FES: variants seen among roughly 807,000 people sequenced by gnomAD.
FES encodes the protein FES proto-oncogene, tyrosine kinase, also known as tyrosine-protein kinase Fes/Fps.
A neutral mutation model predicts 109.6 loss-of-function variants in FES; 83 were observed. The observed-to-expected ratio is 0.76, with a 90% CI of 0.63 to 0.91. The LOEUF (loss-of-function observed/expected upper bound fraction) is 0.91. Among genes scored for constraint, FES ranks in the 40% least tolerant of loss-of-function variants. The pLI, the probability that FES is intolerant of heterozygous loss-of-function variation, is 0.00. For synonymous variants in FES, 458 were observed against 442.1 expected, an observed-to-expected ratio of 1.04 and a Z score of -0.45; for missense variants, 943 against 1,070.9, an observed-to-expected ratio of 0.88 and a Z score of 1.67.
At chr15:90,887,417 A>C (rs28438927) in intron 5 of FES, 47 bp downstream of exon 5, 400,994 of 1,539,944 alleles carry the variant, frequency 0.26, 54,991 homozygotes, top group Non-Finnish European at 0.28. Flanking sequence ...GAGCAGCCCT[A>C]AGCCCAGCCA....
In FES at chr15:90,895,704, C is replaced by T. The variant is rs1299015734; in HGVS notation, c.*146C>T. ...TGCCGGCAGGATGCAGCGCCGTGTC[C>T]TCTCTGTGTCCCTGCTGCTGCCAGG... On this transcript the variant is annotated 3_prime_UTR_variant, in exon 19 of 19. Coordinates refer to ENST00000328850, the MANE Select transcript of FES (RefSeq NM_002005.4). 4.8e-6 allele frequency: 3 copies of T among 623,248 alleles called. No homozygotes were observed. Among genetic ancestry groups the T allele is most frequent in the Non-Finnish European group, 7.5e-6 (3 of 401,914 alleles). 38.6% of individuals were successfully genotyped at this position (623,248 alleles called of 1,614,324 possible). A position where few individuals can be genotyped will look rare whatever the true frequency, so the allele number is the denominator to read the frequency against.
Position 90,885,070 on chromosome 15 carries a change from A to G in FES, c.25A>G (p.Ser9Gly). 1.2e-6 allele frequency: 2 copies of G among 1,612,834 alleles called. No homozygotes were observed. The highest frequency in any genetic ancestry group is 1.7e-6 in the Non-Finnish European group (2 of 1,179,866). ...TATGGGCTTCTCTTCCGAGCTGTGC[A>G]GCCCCCAGGGCCACGGGGTCCTGCA... Reference protein sequence around the residue: MGFSSELCSPQGHGVLQQM... With the variant: MGFSSELCGPQGHGVLQQM... The change falls in exon 2 of 19, where the codon AGC (serine) becomes GGC (glycine). Residue 9 changes from serine (S) to glycine (G), a missense_variant. By Grantham distance (56) the Ser-to-Gly change is moderately conservative (BLOSUM62 0). Transcript: ENST00000328850.
rs2032983981 is a variant in FES, at chr15:90,889,469, G to C, written c.806+26G>C. ...GTAAGCCCCGTCCTTGCTCCTGCTG[G>C]GCCCAGGGCTGCTGGCCTGTCCACT... is the stretch of plus-strand genomic sequence containing the variant. On this transcript the variant is annotated intron_variant, in intron 6 of 18. Transcript: ENST00000328850. This position sits in a 1 kb window ranked among gnomAD's most constrained non-coding sequence, Gnocchi z 6.1. 2 of 1,613,834 alleles carry C rather than the reference G, an allele frequency of 1.2e-6. No individual in the cohort carries two copies. The highest frequency in any genetic ancestry group is 2.7e-5 in the African/African-American group (2 of 75,038).
chr15:90,894,751 G>A (rs916151756), intron 18 of FES, among the ~76,000 whole-genome samples: 10 of 150,998 alleles, frequency 6.6e-5, no homozygotes, highest in Non-Finnish European at 1.5e-4. Flanking sequence ...GGGTGACAGA[G>A]AGAGAGAGAG....
At chr15:90,893,240 A>C (rs1289977030) in intron 15 of FES, 46 bp downstream of exon 15, 3 of 1,613,278 alleles carry the variant, frequency 1.9e-6, no homozygotes, top group Non-Finnish European at 2.5e-6. Flanking sequence ...CAGCCTGGTC[A>C]GGTGGCAGCC....
intron 10 of FES, 40 bp downstream of exon 10, chr15:90,890,524 T>G (rs1341031801): frequency 6.4e-7 from 1 of 1,565,030 alleles, no homozygotes; most frequent in Non-Finnish European, 8.8e-7. Context: ...CTGTTGTGTT[T>G]CGAGTTTAAT....
chr15:90,888,506 A>G (rs2032877865), intron 5 of FES, among the ~76,000 whole-genome samples: 1 of 152,388 alleles, frequency 6.6e-6, no homozygotes, highest in African/African-American at 2.4e-5. Context: ...GGCTCTTGCC[A>G]TAATCCAGAT....
rs970710665 is a variant in FES, at chr15:90,885,198, G to A, written c.153G>A (p.Met51Ile). 2.9e-5 allele frequency: 47 copies of A among 1,613,764 alleles called. No individual in the cohort carries two copies. Among genetic ancestry groups the A allele is most frequent in the Non-Finnish European group, 3.8e-5 (45 of 1,180,022 alleles). ...AGTATGCAGGACTGCTTCACCACAT[G>A]TCCCTGCAGGACAGTGGGGGCCAGA... ...DREYAGLLHH[M>I]SLQDSGGQSR... Residue 51 changes from methionine to isoleucine, a missense_variant, in exon 2 of 19, where the codon ATG (methionine) becomes ATA (isoleucine). Coordinates refer to ENST00000328850, the MANE Select transcript of FES (RefSeq NM_002005.4).
rs1016222553 is a variant in FES, at chr15:90,893,128, A to T, written c.1855A>T (p.Ile619Phe). The change falls in exon 15 of 19, where the codon ATC becomes TTC. Residue 619 changes from isoleucine to phenylalanine, a missense_variant. Ile to Phe is a conservative substitution (Grantham distance 21). Coordinates refer to ENST00000328850, the MANE Select transcript of FES (RefSeq NM_002005.4). ...RILKQYSHPN[I>F]VRLIGVCTQK... ...CCTGAAGCAGTACAGCCACCCCAAC[A>T]TCGTGCGTCTCATTGGTGTCTGCAC... 6.2e-7 allele frequency: 1 copy of T among 1,613,800 alleles called. No homozygotes were observed. The highest frequency in any genetic ancestry group is 1.3e-5 in the African/African-American group (1 of 74,930).
intron 11 of FES, 37 bp downstream of exon 11, chr15:90,891,228 C>G: frequency 5.8e-6 from 9 of 1,541,632 alleles, no homozygotes; most frequent in Non-Finnish European, 7.9e-6. Flanking sequence ...CCAGGCCTCA[C>G]TCTTCCCCTC....
chr15:90,893,280 C>T lies in FES; in HGVS notation c.1922-11C>T, dbSNP rs752043855. On this transcript the variant is annotated splice_polypyrimidine_tract_variant and intron_variant, in intron 15 of 18. Transcript: ENST00000328850. ...CTCAGGAGGCTCAGCAGGGGTCCTC[C>T]CCACCTGCAGGGGGCGACTTCCTGA... 1.2e-5 allele frequency: 20 copies of T among 1,607,538 alleles called. No individual in the cohort carries two copies. The highest frequency in any genetic ancestry group is 1.6e-5 in the Non-Finnish European group (19 of 1,176,330).
intron 18 of FES, among the ~76,000 whole-genome samples, chr15:90,895,105 C>T (rs1035947788): frequency 6.6e-6 from 1 of 152,104 alleles, no homozygotes; most frequent in Non-Finnish European, 1.5e-5. Flanking sequence ...CCTGTAGCTA[C>T]TACTGAGTGA....
At chr15:90,890,018 C>G in intron 8 of FES, 56 bp downstream of exon 8, 1 of 1,593,076 alleles carries the variant, frequency 6.3e-7, no homozygotes, top group Non-Finnish European at 8.6e-7. Context: ...CCTACCTACC[C>G]TAACTGCTGC....
intron 18 of FES, among the ~76,000 whole-genome samples, chr15:90,895,156 C>T (rs1360973306): frequency 1.3e-5 from 2 of 152,222 alleles, no homozygotes; most frequent in African/African-American, 2.4e-5. Flanking sequence ...TTCATTTGCT[C>T]ATCACTACAT....
chr15:90,895,637 C>A lies in FES; in HGVS notation c.*79C>A. 1.5e-6 allele frequency: 2 copies of A among 1,301,254 alleles called. No individual in the cohort carries two copies. Among genetic ancestry groups the A allele is most frequent in the Non-Finnish European group, 2.1e-6 (2 of 972,002 alleles). 80.6% of individuals were successfully genotyped at this position (1,301,254 alleles called of 1,614,324 possible). ...TCAGCGGCTCCAGCTCATATGCTGA[C>A]AGCTCTTCACAGTCCTGGACTCCTG... is the stretch of plus-strand genomic sequence containing the variant. On this transcript the variant is annotated 3_prime_UTR_variant, in exon 19 of 19. Transcript: ENST00000328850.
chr15:90,893,121 C>A lies in FES; in HGVS notation c.1848C>A (p.His616Gln), dbSNP rs755453805. 2 of 1,613,738 alleles carry A rather than the reference C, an allele frequency of 1.2e-6. No homozygotes were observed. The highest frequency in any genetic ancestry group is 1.7e-6 in the Non-Finnish European group (2 of 1,179,940). Residue 616 changes from histidine (H) to glutamine (Q), a missense_variant, in exon 15 of 19, where the codon CAC becomes CAA. Transcript: ENST00000328850. ...CCAGGATCCTGAAGCAGTACAGCCA[C>A]CCCAACATCGTGCGTCTCATTGGTG... ...QEARILKQYS[H>Q]PNIVRLIGVC...
At chr15:90,885,836 G>A (rs2032557183) in intron 3 of FES, among the ~76,000 whole-genome samples, 1 of 152,176 alleles carries the variant, frequency 6.6e-6, no homozygotes, top group Non-Finnish European at 1.5e-5. Context: ...GACCGGTCAC[G>A]TGCCTGGGAG....
At position 90,893,417 on chromosome 15, in the gene FES, G is replaced by T; in HGVS notation, c.2045+3G>T. ...GAGAGCAAGTGCTGCATCCACCGGT[G>T]AGTGGGCGGTGGCCACGGGCCCTGC... On this transcript the variant is annotated splice_donor_region_variant and intron_variant, in intron 16 of 18. Coordinates refer to ENST00000328850, the MANE Select transcript of FES (RefSeq NM_002005.4). 6.5e-7 allele frequency: 1 copy of T among 1,536,758 alleles called. No individual in the cohort carries two copies.
intron 18 of FES, among the ~76,000 whole-genome samples, chr15:90,895,107 ACTG>A (rs1363383837): frequency 2.0e-5 from 3 of 152,150 alleles, no homozygotes; most frequent in African/African-American, 7.2e-5. Context: ...TGTAGCTACT[ACTG>A]AGTGAGCACC....
Sources: gnomAD v4.1 joint callset for allele counts (sites outside exome capture counted in the v4.1 genomes callset) on GRCh38, gnomAD v4.1.1 for gene constraint, Gnocchi (gnomAD v3.1) non-coding constraint, MANE v1.5 for transcripts, NCBI Gene and HGNC (gene_info 2026-07-23, HGNC 2026-07-21) for gene names.